PTPRD: variants seen among roughly 807,000 people sequenced by gnomAD.
PTPRD encodes receptor-type tyrosine-protein phosphatase delta.
A neutral mutation model predicts 214.5 loss-of-function variants in PTPRD; 34 were observed. That is an observed-to-expected ratio of 0.16 (90% CI 0.12 to 0.21). The LOEUF is 0.21. PTPRD is among the 10% of genes least tolerant of loss of function. PTPRD has a pLI of 1.00. For synonymous variants in PTPRD, 1,128 were observed against 845.7 expected (o/e 1.33, Z -5.79); for missense variants, 2,545 against 2,398.7 (o/e 1.06, Z -1.27).
In PTPRD at chr9:8,631,404, T is replaced by C. The variant is rs148324501; in HGVS notation, c.352+1913A>G. Among the ~76,000 whole-genome samples the C allele has an allele frequency of 1.2e-3, 183 of 151,982 alleles. 1 individual carries two copies. Among genetic ancestry groups the C allele is most frequent in the African/African-American group, 4.3e-3 (177 of 41,514 alleles). On this transcript the variant is annotated intron_variant, in intron 14 of 45. Coordinates refer to ENST00000381196, the MANE Select transcript of PTPRD (RefSeq NM_002839.4). ...CTTGATGGTTGGGCTTACTGTCGCT[T>C]GCTGGTGGTAGCTGACTTGATTGCT...
chr9:10,557,900 G>A (rs1372824024), intron 2 of PTPRD, among the ~76,000 whole-genome samples: 1 of 152,106 alleles, frequency 6.6e-6, no homozygotes, highest in Non-Finnish European at 1.5e-5. Flanking sequence ...ATTATCATCA[G>A]GACTGTTTTA....
rs577777480 is a variant in PTPRD at position 10,289,297 on chromosome 9, G to A, written c.-545+51666C>T. 5.9e-5 allele frequency among the ~76,000 whole-genome samples: 9 copies of A among 152,184 alleles called. No homozygotes were observed. The East Asian group carries it at 1.7e-3, about 29-fold the overall frequency. On this transcript the variant is annotated intron_variant, in intron 3 of 45. Coordinates refer to ENST00000381196, the MANE Select transcript of PTPRD (RefSeq NM_002839.4). ...ATTTCCCCCAATTTAAGAAAGCAAG[G>A]CAGCAACTTTTACACTTTTGTTTCT...
chr9:10,194,213 C>G (rs748530635), intron 3 of PTPRD, among the ~76,000 whole-genome samples: 4 of 151,400 alleles, frequency 2.6e-5, no homozygotes, highest in Non-Finnish European at 5.9e-5. Flanking sequence ...CTGGACTGTC[C>G]CTTATCAGAA....
intron 3 of PTPRD, among the ~76,000 whole-genome samples, chr9:10,170,290 C>T (rs1395154774): frequency 6.6e-6 from 1 of 152,096 alleles, no homozygotes; most frequent in African/African-American, 2.4e-5. Context: ...AAAGAACTGG[C>T]AAGGTCCCTT....
chr9:9,572,340 A>G (rs1001823762), intron 8 of PTPRD, among the ~76,000 whole-genome samples: 3 of 151,388 alleles, frequency 2.0e-5, no homozygotes, highest in Non-Finnish European at 4.4e-5. Flanking sequence ...GAAAGTATTT[A>G]AGAATGTAAG....
rs1434250886 is a variant in PTPRD, at chr9:9,286,876, ATATATATATATATATATATATAT to A, written c.-202-103536_-202-103514del. On this transcript the variant is annotated intron_variant, in intron 9 of 45. Transcript: ENST00000381196. Reference sequence around the variant, plus strand: ...CAAGGCAGTCTTGAAACTACTGAATATATATATATATATATATATATATATATATATATATATATATATATATA... The same window carrying A: ...CAAGGCAGTCTTGAAACTACTGAATAATATATATATATATATATATATATA... Among the ~76,000 whole-genome samples the A allele has an allele frequency of 3.4e-3, 29 of 8,630 alleles. 1 individual carries two copies. Among genetic ancestry groups the A allele is most frequent in the South Asian group, 5.1e-3 (1 of 198 alleles). 5.7% of individuals were successfully genotyped at this position (8,630 alleles called of 152,430 possible).
At chr9:10,105,677 C>A (rs979551803) in intron 3 of PTPRD, among the ~76,000 whole-genome samples, 1 of 151,796 alleles carries the variant, frequency 6.6e-6, no homozygotes, top group South Asian at 2.1e-4. Context: ...GTTTTTAATA[C>A]CAAAAGATGT....
chr9:8,747,445 C>CT (rs1167671071), intron 11 of PTPRD, among the ~76,000 whole-genome samples: 1 of 151,934 alleles, frequency 6.6e-6, no homozygotes, highest in Non-Finnish European at 1.5e-5. Flanking sequence ...GTACAGAAAC[C>CT]TAAAGAGGTG....
chr9:10,384,712 G>A (rs7855314), intron 2 of PTPRD, among the ~76,000 whole-genome samples: 25,702 of 150,692 alleles, frequency 0.17, 2,768 homozygotes, highest in East Asian at 0.53. Flanking sequence ...CAGAAACCCT[G>A]TAAGCATACA....
rs182213849 is a variant in PTPRD at position 9,937,210 on chromosome 9, A to C, written c.-368+1297T>G. Among the ~76,000 whole-genome samples the C allele has an allele frequency of 3.4e-3, 517 of 152,006 alleles. 6 individuals are homozygous for C. Among genetic ancestry groups the C allele is most frequent in the African/African-American group, 0.012 (488 of 41,484 alleles). On this transcript the variant is annotated intron_variant, in intron 5 of 45. Transcript: ENST00000381196. ...CTGCACAATGTGCACATGTACCCTA[A>C]AACTTAAAGTAAAATAATAAAAAAA...
rs1017419894 is a variant in PTPRD, at chr9:8,935,656, TGC to T, written c.-104+83039_-104+83040del. ...CTGGAGGAGAAGGCATCTGAACGTG[TGC>T]AGTTTGCTTCACTGGGGAAGGCCCC... On this transcript the variant is annotated intron_variant, in intron 11 of 45. Transcript: ENST00000381196. Among the ~76,000 whole-genome samples, 244 of 152,336 alleles carry T rather than the reference TGC, an allele frequency of 1.6e-3. 1 individual carries two copies. Among genetic ancestry groups the T allele is most frequent in the African/African-American group, 5.7e-3 (239 of 41,570 alleles).
At chr9:10,363,314 T>C (rs1035084955) in intron 2 of PTPRD, among the ~76,000 whole-genome samples, 4 of 152,212 alleles carry the variant, frequency 2.6e-5, no homozygotes, top group Admixed American at 2.6e-4. Flanking sequence ...AAATAATAGA[T>C]ATGACTTTCA....
chr9:10,359,292 A>G (rs900318879), intron 2 of PTPRD, among the ~76,000 whole-genome samples: 5 of 152,042 alleles, frequency 3.3e-5, no homozygotes, highest in South Asian at 2.1e-4. Flanking sequence ...TAATACATAT[A>G]TGATTATAAG....
chr9:9,044,700 C>T (rs1454062914), intron 10 of PTPRD, among the ~76,000 whole-genome samples: 3 of 152,220 alleles, frequency 2.0e-5, no homozygotes, highest in Admixed American at 2.0e-4. Context: ...GAACTTGAGT[C>T]ATTTTCTGCT....
At chr9:8,557,813 T>TAC (rs2084580851) in intron 14 of PTPRD, among the ~76,000 whole-genome samples, 2 of 135,036 alleles carry the variant, frequency 1.5e-5, no homozygotes, top group Admixed American at 7.5e-5. Flanking sequence ...CACACATATA[T>TAC]ACACACACAC....
intron 2 of PTPRD, among the ~76,000 whole-genome samples, chr9:10,450,125 C>A (rs1001262065): frequency 6.6e-6 from 1 of 151,778 alleles, no homozygotes; most frequent in Non-Finnish European, 1.5e-5. Context: ...GGGTCCTCTG[C>A]CTAGGAAAAC....
chr9:9,980,620 A>AC (rs199737127), intron 4 of PTPRD, among the ~76,000 whole-genome samples: 22 of 109,776 alleles, frequency 2.0e-4, no homozygotes, highest in African/African-American at 8.6e-4. Context: ...AAAAAAAACA[A>AC]AAAAAAAAAA....
At chr9:9,557,296 G>T (rs1038773554) in intron 8 of PTPRD, among the ~76,000 whole-genome samples, 1 of 152,196 alleles carries the variant, frequency 6.6e-6, no homozygotes, top group South Asian at 2.1e-4. Context: ...CAATTGATCA[G>T]CATTAACATT....
At chr9:8,707,641 A>G (rs1312804281) in intron 12 of PTPRD, among the ~76,000 whole-genome samples, 5 of 152,186 alleles carry the variant, frequency 3.3e-5, no homozygotes, top group African/African-American at 1.2e-4. Context: ...TGTTACATCT[A>G]CTTTGAAATT....
Sources: allele counts gnomAD v4.1 joint callset (sites outside exome capture counted in the v4.1 genomes callset), GRCh38; gene constraint gnomAD v4.1.1; transcripts MANE v1.5; gene names NCBI Gene and HGNC (gene_info 2026-07-23, HGNC 2026-07-21).